Variants in SEMA5B observed in about 807,000 individuals in gnomAD.
SEMA5B encodes semaphorin-5B.
SEMA5B carries 66 observed loss-of-function variants against 135.0 expected under a neutral mutation model. The observed-to-expected ratio is 0.49, with a 90% CI of 0.40 to 0.60. The LOEUF (loss-of-function observed/expected upper bound fraction) is 0.60, where lower values mean the gene tolerates loss of function less well. Among genes scored for constraint, SEMA5B ranks in the 20% least tolerant of loss-of-function variants. SEMA5B has a pLI of 0.00. For missense variants in SEMA5B, 1,501 were observed against 1,566.3 expected (o/e 0.96, Z 0.70); for synonymous variants, 690 against 639.5 (o/e 1.08, Z -1.19).
chr3:122,941,386 C>T (rs113166666), intron 4 of SEMA5B, among the ~76,000 whole-genome samples: 3 of 152,294 alleles, frequency 2.0e-5, no homozygotes, highest in Middle Eastern at 3.4e-3. Flanking sequence ...CTGGGGAAGC[C>T]GCAGAGCGGA....
At chr3:122,997,280 A>T (rs140115203) in intron 1 of SEMA5B, among the ~76,000 whole-genome samples, 1 of 151,442 alleles carries the variant, frequency 6.6e-6, no homozygotes, top group Non-Finnish European at 1.5e-5. Flanking sequence ...TCTCTTTCTC[A>T]TGTCTTTCTT....
At chr3:122,944,556 G>T (rs1264517793) in intron 3 of SEMA5B, among the ~76,000 whole-genome samples, 1 of 152,208 alleles carries the variant, frequency 6.6e-6, no homozygotes, top group Non-Finnish European at 1.5e-5. Context: ...AGGGGAATTG[G>T]ATTTTCAGAC....
chr3:123,001,036 G>A (rs2107757744), intron 1 of SEMA5B, among the ~76,000 whole-genome samples: 1 of 152,318 alleles, frequency 6.6e-6, no homozygotes, highest in Middle Eastern at 3.4e-3. Flanking sequence ...AGCCCTGGGA[G>A]GAGCAGGGCA....
rs1211162154 is a variant in SEMA5B, at chr3:122,915,454, G to T, written c.1974C>A (p.Ile658=). The T allele has an allele frequency of 1.9e-6, 3 of 1,611,320 alleles. No individual in the cohort carries two copies. Among genetic ancestry groups the T allele is most frequent in the East Asian group, 2.2e-5 (1 of 44,834 alleles). Residue 658 remains isoleucine (I), a synonymous_variant, in exon 14 of 23, where the codon ATC becomes ATA. Coordinates refer to ENST00000357599, the MANE Select transcript of SEMA5B (RefSeq NM_001031702.4). ...GLDCLGPAIH[I]ANCSRNGAWT... is the part of the protein sequence containing the mutation. ...TCCTCACATACCTGGAGCAGTTGGC[G>T]ATGTGGATGGCTGGCCCCAGGCAGT...
At chr3:122,932,026 G>A (rs983716788) in intron 5 of SEMA5B, among the ~76,000 whole-genome samples, 8 of 152,184 alleles carry the variant, frequency 5.3e-5, no homozygotes, top group African/African-American at 1.9e-4. Context: ...TGAAAGACAC[G>A]TCCCAACTTC....
At chr3:122,976,221 C>T (rs1941315848) in intron 1 of SEMA5B, 2 of 1,429,702 alleles carry the variant, frequency 1.4e-6, no homozygotes, top group Non-Finnish European at 9.3e-7. Context: ...GCAGCATCTG[C>T]ACCTCCTGGG....
chr3:122,961,299 T>C lies in SEMA5B; in HGVS notation c.-36A>G. 6.2e-7 allele frequency: 1 copy of C among 1,612,982 alleles called. No individual in the cohort carries two copies. Among genetic ancestry groups the C allele is most frequent in the Non-Finnish European group, 8.5e-7 (1 of 1,179,368 alleles). On this transcript the variant is annotated splice_region_variant and 5_prime_UTR_variant, in exon 2 of 23. Transcript: ENST00000357599. ...CAGGCCAGGCACCAGCTGGAACCACTCACTGAAGGGGGAGAATTTTGGGTA... is the reference window on the plus strand; with the variant it reads ...CAGGCCAGGCACCAGCTGGAACCACCCACTGAAGGGGGAGAATTTTGGGTA...
chr3:122,977,708 C>A (rs1279959473), intron 1 of SEMA5B, among the ~76,000 whole-genome samples: 1 of 152,184 alleles, frequency 6.6e-6, no homozygotes, highest in Non-Finnish European at 1.5e-5. Flanking sequence ...TAAAATTAAC[C>A]ACCACAGTCA....
intron 1 of SEMA5B, among the ~76,000 whole-genome samples, 182 bp from the exon 2 acceptor site, chr3:122,961,483 G>T (rs4677986): frequency 6.6e-6 from 1 of 150,998 alleles, no homozygotes. Context: ...TTTTTTAGGC[G>T]GGGTCTTGCT....
In SEMA5B at chr3:122,942,645, C is replaced by T. The variant is rs550317371; in HGVS notation, c.428+791G>A. ...TGCTACCGCCTGTTTAAAATAAGGA[C>T]GGTTGGATGACACCAGAGATTCTCA... On this transcript the variant is annotated intron_variant, in intron 4 of 22. Coordinates refer to ENST00000357599, the MANE Select transcript of SEMA5B (RefSeq NM_001031702.4). Among the ~76,000 whole-genome samples the T allele has an allele frequency of 2.0e-4, 31 of 152,296 alleles. No homozygotes were observed. In the East Asian group the frequency reaches 2.5e-3, roughly 12 times the overall value.
intron 1 of SEMA5B, among the ~76,000 whole-genome samples, chr3:123,008,506 G>A (rs1942361980): frequency 6.6e-6 from 1 of 152,174 alleles, no homozygotes; most frequent in Non-Finnish European, 1.5e-5. Flanking sequence ...GCCCTGATGG[G>A]TGGGTGGGAT....
chr3:122,988,884 A>T (rs1244741336), intron 1 of SEMA5B, among the ~76,000 whole-genome samples: 2 of 152,242 alleles, frequency 1.3e-5, no homozygotes, highest in Non-Finnish European at 2.9e-5. Flanking sequence ...AGCATTCGGT[A>T]AAAGTTGGAT....
In SEMA5B at chr3:122,910,321, C is replaced by A; in HGVS notation, c.3298-20G>T. The A allele has an allele frequency of 6.2e-7, 1 of 1,612,894 alleles. No individual in the cohort carries two copies. Among genetic ancestry groups the A allele is most frequent in the Non-Finnish European group, 8.5e-7 (1 of 1,179,354 alleles). On this transcript the variant is annotated intron_variant, in intron 22 of 22. Transcript: ENST00000357599. ...CAGGGTCTGTGGGTGGAAGAAGGAA[C>A]CAGAGAAAGGGGTGAGGGAACACAC...
In SEMA5B at chr3:122,948,725, T is replaced by C; in HGVS notation, c.125-16A>G. ...GGGAGAAGACCTGCAACGTAAACAC[T>C]CAGTCTCACCAAGCGCTCCCTCCAA... On this transcript the variant is annotated splice_polypyrimidine_tract_variant and intron_variant, in intron 2 of 22. Transcript: ENST00000357599. 6.4e-7 allele frequency: 1 copy of C among 1,574,034 alleles called. No individual in the cohort carries two copies. The highest frequency in any genetic ancestry group is 8.7e-7 in the Non-Finnish European group (1 of 1,152,262).
At chr3:122,943,326 A>T (rs1939645535) in intron 4 of SEMA5B, 110 bp downstream of exon 4, 2 of 709,216 alleles carry the variant, frequency 2.8e-6, no homozygotes, top group East Asian at 5.5e-5. Context: ...AGCAGAGAGG[A>T]TGGGGCCCAG....
At chr3:122,959,369 C>T (rs139131090) in intron 2 of SEMA5B, among the ~76,000 whole-genome samples, 76 of 152,312 alleles carry the variant, frequency 5.0e-4, no homozygotes, top group African/African-American at 1.7e-3. Context: ...CTGCCCCTTA[C>T]TCAATGCCAG....
chr3:122,984,336 C>G (rs1268915195), intron 1 of SEMA5B, among the ~76,000 whole-genome samples: 1 of 152,266 alleles, frequency 6.6e-6, no homozygotes, highest in African/African-American at 2.4e-5. Flanking sequence ...TGGAGGTCCT[C>G]CCACTAACCC....
At position 122,913,395 on chromosome 3, in the gene SEMA5B, G is replaced by A. The variant is rs746362944; in HGVS notation, c.2310C>T (p.Cys770=). 1.9e-6 allele frequency: 3 copies of A among 1,577,230 alleles called. No individual in the cohort carries two copies. Among genetic ancestry groups the A allele is most frequent in the South Asian group, 1.1e-5 (1 of 88,852 alleles). The part of the protein sequence containing the change: ...VEFKTCNPEG[C]PEVRRNTPWT... ...AGGGGGTGTTGCGCCGCACTTCGGG[G>A]CAGCCCTCGGGGTTGCACGTCTTGA... Residue 770 remains cysteine (C), a synonymous_variant, in exon 17 of 23, where the codon TGC becomes TGT. Transcript: ENST00000357599.
At chr3:122,988,203 G>A (rs1941759705) in intron 1 of SEMA5B, among the ~76,000 whole-genome samples, 1 of 152,188 alleles carries the variant, frequency 6.6e-6, no homozygotes. Flanking sequence ...CAGGGAGAAT[G>A]ACTGTTCTAG....
Sources: allele counts gnomAD v4.1 joint callset (sites outside exome capture counted in the v4.1 genomes callset), GRCh38; gene constraint gnomAD v4.1.1; transcripts MANE v1.5; gene names NCBI Gene and HGNC (gene_info 2026-07-23, HGNC 2026-07-21).